RAET1E: variants seen among roughly 807,000 people sequenced by gnomAD.
RAET1E encodes the protein NKG2D ligand 4.
A neutral mutation model predicts 21.1 loss-of-function variants in RAET1E; 27 were observed. The observed-to-expected ratio is 1.28, with a 90% CI of 0.94 to 1.76. The LOEUF is 1.76. Ranked by LOEUF, RAET1E falls within the 40% of genes most tolerant of loss-of-function variation. The pLI is 0.00. For synonymous variants in RAET1E, 113 were observed against 115.0 expected (o/e 0.98, Z 0.11); for missense variants, 310 against 311.3 (o/e 1.00, Z 0.03).
Position 149,886,059 on chromosome 6 carries a change from C to T in RAET1E, c.*2439G>A, listed in dbSNP as rs9383577. Among the ~76,000 whole-genome samples, 67,404 of 151,966 alleles carry T rather than the reference C, an allele frequency of 0.44. 15,643 individuals carry two copies. The highest frequency in any genetic ancestry group is 0.88 in the East Asian group (4,564 of 5,162). On this transcript the variant is annotated 3_prime_UTR_variant, in exon 6 of 6. Coordinates refer to ENST00000357183, the MANE Select transcript of RAET1E (RefSeq NM_001394057.1). ...ATTCGGTCAGGTAAGAAAGAAAATT[C>T]CAGGCAGAGATGAGCATGAGCAAAA... is the stretch of plus-strand genomic sequence containing the variant.
In RAET1E at chr6:149,889,973, A is replaced by G; in HGVS notation, c.258T>C (p.Thr86=). 1 of 1,614,102 alleles carries G rather than the reference A, an allele frequency of 6.2e-7. No individual in the cohort carries two copies. Among genetic ancestry groups the G allele is most frequent in the Non-Finnish European group, 8.5e-7 (1 of 1,180,016 alleles). Residue 86 remains threonine, a synonymous_variant, in exon 4 of 6, where the codon ACT becomes ACC. Coordinates refer to ENST00000357183, the MANE Select transcript of RAET1E (RefSeq NM_001394057.1). ...LLGKKVYATS[T]WGELTQTLGE... ...CCAGCGTTTGGGTCAATTCTCCCCA[A>G]GTGCTGGTGGCATATACCTTCTTCC... is the stretch of plus-strand genomic sequence containing the variant.
Position 149,884,470 on chromosome 6 carries a change from G to GC in RAET1E, c.*4027dup, listed in dbSNP as rs1355554550. On this transcript the variant is annotated 3_prime_UTR_variant, in exon 6 of 6. Transcript: ENST00000357183. ...GAGGACCACAGGTGAACAACTCTGC[G>GC]CCGCCGTGGTATCACCTCTAGGTGG... 1 of 1,535,530 alleles carries GC rather than the reference G, an allele frequency of 6.5e-7. No homozygotes were observed. Among genetic ancestry groups the GC allele is most frequent in the Non-Finnish European group, 8.7e-7 (1 of 1,146,570 alleles).
In RAET1E at chr6:149,888,583, A is replaced by G. The variant is rs200447590; in HGVS notation, c.707T>C (p.Leu236Ser). The G allele has an allele frequency of 2.3e-5, 37 of 1,613,630 alleles. No individual in the cohort carries two copies. The highest frequency in any genetic ancestry group is 2.5e-6 in the Non-Finnish European group (3 of 1,179,956). The change falls in exon 6 of 6, where the codon TTA (leucine) becomes TCA (serine). Residue 236 changes from leucine to serine, a missense_variant. Leu to Ser is a moderately radical substitution (Grantham distance 145). Coordinates refer to ENST00000357183, the MANE Select transcript of RAET1E (RefSeq NM_001394057.1). ...GATGAGAACAATTCCCATTAAAACTAACAGGATGAATGCCCCCAGGATGAT... is the reference window on the plus strand; with the variant it reads ...GATGAGAACAATTCCCATTAAAACTGACAGGATGAATGCCCCCAGGATGAT... ...RWIILGAFIL[L>S]VLMGIVLICV...
At chr6:149,892,791 C>T (rs1777961188) in intron 2 of RAET1E, among the ~76,000 whole-genome samples, 1 of 152,168 alleles carries the variant, frequency 6.6e-6, no homozygotes, top group Admixed American at 6.5e-5. Flanking sequence ...ATGCCTATAT[C>T]CCGAATGGTA....
chr6:149,889,310 AAAG>A, intron 5 of RAET1E, 35 bp downstream of exon 5: 1 of 1,609,986 alleles, frequency 6.2e-7, no homozygotes. Context: ...TTTGACCTTT[AAAG>A]GGAGCTGCCA....
intron 2 of RAET1E, among the ~76,000 whole-genome samples, chr6:149,895,104 G>A (rs1469541246): frequency 1.3e-5 from 2 of 152,362 alleles, no homozygotes; most frequent in East Asian, 3.9e-4. Context: ...GAGCAGCTAA[G>A]ATTGCTGCCT....
Position 149,884,383 on chromosome 6 carries a change from A to G in RAET1E, c.*4115T>C, listed in dbSNP as rs915525912. The G allele has an allele frequency of 9.4e-7, 1 of 1,058,290 alleles. No homozygotes were observed. The highest frequency in any genetic ancestry group is 2.6e-5 in the East Asian group (1 of 38,066). The allele number at this position is 1,058,290 out of a possible 1,614,324, so 65.6% of individuals were successfully genotyped here. ...CAGAGGCGCGATCTCCGCTCATTGC[A>G]GGCTCCGCCTCCACTTGACTCAGGG... On this transcript the variant is annotated 3_prime_UTR_variant, in exon 6 of 6. Transcript: ENST00000357183.
rs199832414 is a variant in RAET1E, at chr6:149,888,174, G to A, written c.*324C>T. 2.2e-3 allele frequency: 1,306 copies of A among 580,718 alleles called. 6 individuals are homozygous for A. Among genetic ancestry groups the A allele is most frequent in the Non-Finnish European group, 3.0e-3 (908 of 303,190 alleles). 36.0% of individuals were successfully genotyped at this position (580,718 alleles called of 1,614,324 possible). On this transcript the variant is annotated 3_prime_UTR_variant, in exon 6 of 6. Coordinates refer to ENST00000357183, the MANE Select transcript of RAET1E (RefSeq NM_001394057.1). ...ACCAGCAAGTCTTCTCAGGGTGAAC[G>A]GGAAAAGGGGATGGGACCTGCTGAG...
chr6:149,888,801 A>C (rs1582766521), intron 5 of RAET1E, 134 bp from the exon 6 acceptor site: 1 of 1,319,910 alleles, frequency 7.6e-7, no homozygotes. Flanking sequence ...GGCTCATGTG[A>C]CAGCCACTCT....
chr6:149,893,171 C>T (rs1777980143), intron 2 of RAET1E, among the ~76,000 whole-genome samples: 1 of 152,180 alleles, frequency 6.6e-6, no homozygotes, highest in African/African-American at 2.4e-5. Flanking sequence ...CCAGGATTGT[C>T]TTGGATATGC....
rs911835572 is a variant in RAET1E, at chr6:149,888,209, G to C, written c.*289C>G. 1 of 638,892 alleles carries C rather than the reference G, an allele frequency of 1.6e-6. No homozygotes were observed. Among genetic ancestry groups the C allele is most frequent in the Non-Finnish European group, 2.9e-6 (1 of 340,710 alleles). 39.6% of individuals were successfully genotyped at this position (638,892 alleles called of 1,614,324 possible). On this transcript the variant is annotated 3_prime_UTR_variant, in exon 6 of 6. Transcript: ENST00000357183. ...GATGGGACCTGCTGAGCTAAATCAC[G>C]GTAAACGCAGACAGCAAACAAACTT... is the stretch of plus-strand genomic sequence containing the variant.
At position 149,897,652 on chromosome 6, in the gene RAET1E, G is replaced by A. The variant is rs1482846252; in HGVS notation, c.-321+369C>T. ...AGGCTGTGGAAGCCTTGGCATAAGC[G>A]GAAGGGAGGATCTGAGGGAGAATGG... On this transcript the variant is annotated intron_variant, in intron 1 of 5. Coordinates refer to ENST00000357183, the MANE Select transcript of RAET1E (RefSeq NM_001394057.1). Among the ~76,000 whole-genome samples the A allele has an allele frequency of 3.9e-5, 6 of 152,268 alleles. 1 individual carries two copies. In the South Asian group the frequency reaches 1.0e-3, roughly 26 times the overall value.
At chr6:149,888,724 A>G (rs1232884267) in intron 5 of RAET1E, 57 bp from the exon 6 acceptor site, 3 of 1,371,956 alleles carry the variant, frequency 2.2e-6, no homozygotes, top group South Asian at 1.3e-5. Flanking sequence ...AAAAAAAAAA[A>G]GCATAAAAAT....
chr6:149,890,090 C>A lies in RAET1E; in HGVS notation c.141G>T (p.Gln47His). 1.9e-6 allele frequency: 3 copies of A among 1,613,572 alleles called. No homozygotes were observed. The highest frequency in any genetic ancestry group is 1.3e-5 in the African/African-American group (1 of 75,000). ...AGAAGACCTGCGCTTCACACCAGGGCTGTCCAGGTCTGGACAATGATTTTA... is the reference window on the plus strand; with the variant it reads ...AGAAGACCTGCGCTTCACACCAGGGATGTCCAGGTCTGGACAATGATTTTA... ...FTIKSLSRPG[Q>H]PWCEAQVFLN... The change falls in exon 4 of 6, where the codon CAG (glutamine) becomes CAT (histidine). Residue 47 changes from glutamine to histidine, a missense_variant. Physicochemically the swap from Gln to His is conservative, Grantham distance 24. Transcript: ENST00000357183.
rs1389821208 is a variant in RAET1E, at chr6:149,890,207, TTCTG to T, written c.86-66_86-63del. On this transcript the variant is annotated intron_variant, in intron 3 of 5. Coordinates refer to ENST00000357183, the MANE Select transcript of RAET1E (RefSeq NM_001394057.1). ...GGAAGAGGCCCATTAGAACCTGCGC[TTCTG>T]TGACCCAAGACTCCCTGGACTGGGC... 1.9e-6 allele frequency: 3 copies of T among 1,575,760 alleles called. No homozygotes were observed. In the African/African-American group the frequency reaches 4.1e-5, roughly 21 times the overall value.
intron 5 of RAET1E, 181 bp downstream of exon 5, chr6:149,889,167 G>C: frequency 6.9e-7 from 1 of 1,440,456 alleles, no homozygotes; most frequent in Non-Finnish European, 9.1e-7. Context: ...AGAAACAGTG[G>C]GAGGTGGGAT....
chr6:149,891,494 G>GTGTGTGTGTGTGTT (rs753961216), intron 2 of RAET1E, among the ~76,000 whole-genome samples: 2 of 152,006 alleles, frequency 1.3e-5, no homozygotes, highest in African/African-American at 4.8e-5. Context: ...TTGTGTGTGT[G>GTGTGTGTGTGTGTT]TGTGTGTGTG....
At chr6:149,897,248 T>A (rs1778150406) in intron 1 of RAET1E, among the ~76,000 whole-genome samples, 1 of 152,052 alleles carries the variant, frequency 6.6e-6, no homozygotes, top group East Asian at 1.9e-4. Flanking sequence ...TTGCCCAGGC[T>A]GATCTCGAAC....
chr6:149,883,384 T>A lies in RAET1E; in HGVS notation c.*5114A>T, dbSNP rs1011408630. ...ATTTTTTTTTTTTTTTTGCATTCAG[T>A]GTTAAAGTGTTTATCAGAAAGAACT... is the stretch of plus-strand genomic sequence containing the variant. On this transcript the variant is annotated 3_prime_UTR_variant, in exon 6 of 6. Transcript: ENST00000357183. 6.0e-5 allele frequency: 9 copies of A among 150,628 alleles called. No homozygotes were observed. Among genetic ancestry groups the A allele is most frequent in the African/African-American group, 2.2e-4 (9 of 40,878 alleles). 9.3% of individuals were successfully genotyped at this position (150,628 alleles called of 1,614,324 possible). A position where few individuals can be genotyped will look rare whatever the true frequency, so the allele number is the denominator to read the frequency against.
Sources: gnomAD v4.1 joint callset for allele counts (sites outside exome capture counted in the v4.1 genomes callset) on GRCh38, gnomAD v4.1.1 for gene constraint, MANE v1.5 for transcripts, NCBI Gene and HGNC (gene_info 2026-07-23, HGNC 2026-07-21) for gene names.